The following RANBP2 variants were observed in gnomAD, a reference collection of about 807,000 sequenced individuals.
The protein encoded by RANBP2 is RAN binding protein 2.
In RANBP2, 57 loss-of-function variants were observed where a neutral mutation model predicts 303.6. The observed-to-expected ratio is 0.19, with a 90% CI of 0.15 to 0.23. The LOEUF (loss-of-function observed/expected upper bound fraction) is 0.23, where lower values mean the gene tolerates loss of function less well. Ranked by LOEUF, RANBP2 falls within the 10% of genes least tolerant of loss-of-function variation. The pLI, the probability that RANBP2 is intolerant of heterozygous loss-of-function variation, is 1.00. For missense variants in RANBP2, 3,138 were observed against 3,780.8 expected, an observed-to-expected ratio of 0.83 and a Z score of 4.46; for synonymous variants, 1,167 against 1,301.5, an observed-to-expected ratio of 0.90 and a Z score of 2.23.
chr2:109,386,295 G>A, the RANBP2 span, among the ~76,000 whole-genome samples: 366 of 152,326 alleles, frequency 2.4e-3, 4 homozygotes, highest in African/African-American at 8.4e-3. Context: ...CGCATATGGA[G>A]CATGTACAGG....
chr2:109,510,122 C>T, the RANBP2 span, among the ~76,000 whole-genome samples: 9 of 152,248 alleles, frequency 5.9e-5, no homozygotes, highest in East Asian at 1.7e-3. Context: ...TGTGTGCACA[C>T]CCCAACCCGA....
the RANBP2 span, among the ~76,000 whole-genome samples, chr2:109,695,621 G>A: frequency 2.6e-5 from 4 of 152,164 alleles, no homozygotes; most frequent in Non-Finnish European, 5.9e-5. Context: ...TCAGATAGGA[G>A]ATAGATAGAA....
the RANBP2 span, among the ~76,000 whole-genome samples, chr2:108,996,951 CACA>C: frequency 2.6e-5 from 4 of 152,176 alleles, no homozygotes; most frequent in African/African-American, 9.7e-5. Context: ...CCAGCAGTGG[CACA>C]CCACTTCAGT....
the RANBP2 span, chr2:109,737,454 A>G: frequency 2.0e-5 from 13 of 641,436 alleles, no homozygotes; most frequent in Non-Finnish European, 3.3e-5. Context: ...GGGTGCAACC[A>G]AGAGTGAACT....
At chr2:109,465,007 AC>A in the RANBP2 span, among the ~76,000 whole-genome samples, 9 of 152,200 alleles carry the variant, frequency 5.9e-5, no homozygotes, top group Admixed American at 5.9e-4. Context: ...GCAACCACTG[AC>A]CTTTTTACTG....
At chr2:108,777,053 T>A in intron 24 of RANBP2, 77 bp from the exon 25 acceptor site, 2 of 1,174,312 alleles carry the variant, frequency 1.7e-6, no homozygotes, top group South Asian at 2.5e-5. Flanking sequence ...TCTCTACTGT[T>A]CTCTCTAGGT....
chr2:109,651,892 T>C, the RANBP2 span, among the ~76,000 whole-genome samples: 1 of 152,174 alleles, frequency 6.6e-6, no homozygotes, highest in Non-Finnish European at 1.5e-5. Flanking sequence ...CTTCATGGTC[T>C]GTGTACAAAA....
At chr2:109,638,497 G>A in the RANBP2 span, among the ~76,000 whole-genome samples, 2,208 of 152,258 alleles carry the variant, frequency 0.015, 48 homozygotes, top group African/African-American at 0.05. Flanking sequence ...GCTCCAAAGT[G>A]GAGCTGAGCC....
chr2:108,765,116 C>T lies in RANBP2; in HGVS notation c.4577C>T (p.Ser1526Leu). 6.2e-7 allele frequency: 1 copy of T among 1,613,926 alleles called. No individual in the cohort carries two copies. Among genetic ancestry groups the T allele is most frequent in the Middle Eastern group, 1.6e-4 (1 of 6,062 alleles). The change falls in exon 20 of 29, where the codon TCA becomes TTA. Residue 1526 changes from serine (S) to leucine (L), a missense_variant. This residue lies in a region of RANBP2 where 388 missense variants were observed against 328.5 expected (regional missense o/e 1.18). Coordinates refer to ENST00000283195, the MANE Select transcript of RANBP2 (RefSeq NM_006267.5). ...PTPASFKFGT[S>L]ETSKTLKSGF... ...CCTGCCTCTTTTAAGTTTGGTACTTCAGAGACAAGTAAAACTCTAAAAAGT... is the reference window on the plus strand; with the variant it reads ...CCTGCCTCTTTTAAGTTTGGTACTTTAGAGACAAGTAAAACTCTAAAAAGT...
the RANBP2 span, among the ~76,000 whole-genome samples, chr2:109,577,095 G>A: frequency 7.4e-3 from 1,123 of 152,178 alleles, 8 homozygotes; most frequent in South Asian, 0.038. Flanking sequence ...AAAAAAAGGA[G>A]AGGACCCTTA....
At chr2:109,692,787 C>G in the RANBP2 span, among the ~76,000 whole-genome samples, 2 of 151,914 alleles carry the variant, frequency 1.3e-5, no homozygotes, top group Non-Finnish European at 2.9e-5. Context: ...TTAACCGTCA[C>G]TCATTCAACT....
the RANBP2 span, among the ~76,000 whole-genome samples, chr2:108,995,052 G>A: frequency 2.0e-5 from 3 of 151,830 alleles, no homozygotes; most frequent in Non-Finnish European, 4.4e-5. Context: ...GGATGGTCTC[G>A]ATCTCCTGAC....
the RANBP2 span, among the ~76,000 whole-genome samples, chr2:109,254,295 G>C: frequency 6.6e-6 from 1 of 152,190 alleles, no homozygotes; most frequent in African/African-American, 2.4e-5. Context: ...TAGTGGCTTA[G>C]AGTGCAGACC....
At chr2:109,650,028 T>G in the RANBP2 span, among the ~76,000 whole-genome samples, 1 of 152,114 alleles carries the variant, frequency 6.6e-6, no homozygotes, top group Non-Finnish European at 1.5e-5. Context: ...CTCAGAACAG[T>G]CTCAATTTTG....
the RANBP2 span, among the ~76,000 whole-genome samples, chr2:108,796,180 C>T: frequency 6.6e-6 from 1 of 152,122 alleles, no homozygotes; most frequent in African/African-American, 2.4e-5. Flanking sequence ...TCCCGAGTAG[C>T]TGGGACTACA....
chr2:109,359,078 C>T, the RANBP2 span, among the ~76,000 whole-genome samples: 1 of 152,154 alleles, frequency 6.6e-6, no homozygotes, highest in Non-Finnish European at 1.5e-5. Flanking sequence ...TGTCAAAGAT[C>T]AGCTGACTGT....
chr2:109,216,722 G>C, the RANBP2 span, among the ~76,000 whole-genome samples: 2 of 152,212 alleles, frequency 1.3e-5, no homozygotes, highest in East Asian at 1.9e-4. Context: ...ATGCTTGTCT[G>C]ATCATTTGCT....
chr2:109,230,419 A>T, the RANBP2 span, among the ~76,000 whole-genome samples: 1 of 152,074 alleles, frequency 6.6e-6, no homozygotes, highest in Non-Finnish European at 1.5e-5. Context: ...TTTACTAAAA[A>T]AAATGGAAAA....
the RANBP2 span, among the ~76,000 whole-genome samples, chr2:109,258,158 C>T: frequency 4.6e-5 from 7 of 152,288 alleles, no homozygotes; most frequent in Non-Finnish European, 4.4e-5. Context: ...AGACTTTTAC[C>T]CCATCAACGA....
Sources: allele counts gnomAD v4.1 joint callset (sites outside exome capture counted in the v4.1 genomes callset), GRCh38; gene constraint gnomAD v4.1.1; regional missense constraint gnomAD v4.1.1; transcripts MANE v1.5; gene names NCBI Gene and HGNC (gene_info 2026-07-23, HGNC 2026-07-21).